The following GPAT3 variants were observed in gnomAD, a reference collection of about 807,000 sequenced individuals.
GPAT3 encodes glycerol-3-phosphate acyltransferase 3.
A neutral mutation model predicts 58.8 loss-of-function variants in GPAT3; 53 were observed. That is an observed-to-expected ratio of 0.90 (90% CI 0.72 to 1.13). The LOEUF (loss-of-function observed/expected upper bound fraction) is 1.13, where lower values mean the gene tolerates loss of function less well. GPAT3 is among the 50% of genes most tolerant of loss of function. GPAT3 has a pLI of 0.00. For synonymous variants in GPAT3, 197 were observed against 187.4 expected (o/e 1.05, Z -0.42); for missense variants, 511 against 527.6 (o/e 0.97, Z 0.31).
At chr4:83,549,486 ATAT>A (rs1021445569) in intron 2 of GPAT3, among the ~76,000 whole-genome samples, 6 of 149,024 alleles carry the variant, frequency 4.0e-5, no homozygotes, top group Non-Finnish European at 7.4e-5. Flanking sequence ...TATATATGAA[ATAT>A]TATGTATTAG....
chr4:83,575,774 C>G (rs1173194857), intron 2 of GPAT3, among the ~76,000 whole-genome samples: 1 of 152,226 alleles, frequency 6.6e-6, no homozygotes, highest in South Asian at 2.1e-4. Context: ...TTAGAGCACT[C>G]ATAGTCTGGT....
chr4:83,547,860 T>G (rs1166191297), intron 2 of GPAT3, among the ~76,000 whole-genome samples: 4 of 151,072 alleles, frequency 2.6e-5, no homozygotes, highest in Non-Finnish European at 5.9e-5. Context: ...TCCCTTTTTT[T>G]TTTTTTTTTT....
At chr4:83,598,218 C>T (rs1413481454) in intron 10 of GPAT3, 39 bp downstream of exon 10, 1 of 1,589,832 alleles carries the variant, frequency 6.3e-7, no homozygotes, top group African/African-American at 1.4e-5. Flanking sequence ...CAGGTAGAGG[C>T]AAGGAGATCT....
intron 3 of GPAT3, among the ~76,000 whole-genome samples, chr4:83,582,277 A>G (rs927304151): frequency 6.6e-6 from 1 of 152,218 alleles, no homozygotes; most frequent in Admixed American, 6.5e-5. Flanking sequence ...AAAATTCTTG[A>G]GTGTGGTTAC....
chr4:83,600,741 G>C (rs1727026594), intron 11 of GPAT3, among the ~76,000 whole-genome samples: 1 of 151,988 alleles, frequency 6.6e-6, no homozygotes, highest in Admixed American at 6.6e-5. Context: ...CCTGACCTCA[G>C]GTGATCCACC....
chr4:83,555,091 A>G (rs568498657), intron 2 of GPAT3, among the ~76,000 whole-genome samples: 1 of 152,324 alleles, frequency 6.6e-6, no homozygotes, highest in South Asian at 2.1e-4. Flanking sequence ...GGTGTGAGCC[A>G]CTGCGCCTGG....
intron 2 of GPAT3, among the ~76,000 whole-genome samples, chr4:83,557,748 C>T (rs930361511): frequency 2.0e-5 from 3 of 152,082 alleles, no homozygotes; most frequent in Non-Finnish European, 4.4e-5. Context: ...ACGCTGTGTA[C>T]CAGAGAGGGT....
At chr4:83,600,644 A>G (rs1224205606) in intron 11 of GPAT3, among the ~76,000 whole-genome samples, 2 of 152,060 alleles carry the variant, frequency 1.3e-5, no homozygotes, top group Non-Finnish European at 2.9e-5. Context: ...CTGGGACTGC[A>G]GGCATGCACC....
rs761831145 is a variant in GPAT3, at chr4:83,581,670, C to A, written c.317C>A (p.Ala106Asp). 2 of 1,613,984 alleles carry A rather than the reference C, an allele frequency of 1.2e-6. No homozygotes were observed. The highest frequency in any genetic ancestry group is 1.7e-6 in the Non-Finnish European group (2 of 1,180,016). ...TATTTCTCCAAGAAGGGATTGGAAG[C>A]CATTGTAGAAGATGAAGTGACCCAG... ...VFYFSKKGLE[A>D]IVEDEVTQRF... is the part of the protein sequence containing the mutation. The change falls in exon 3 of 12, where the codon GCC becomes GAC. Residue 106 changes from alanine (A) to aspartate (D), a missense_variant. Ala to Asp is a moderately radical substitution (Grantham distance 126). Transcript: ENST00000264409.
At chr4:83,561,805 G>GT (rs1012196105) in intron 2 of GPAT3, among the ~76,000 whole-genome samples, 1 of 144,046 alleles carries the variant, frequency 6.9e-6, no homozygotes, top group Non-Finnish European at 1.5e-5. Flanking sequence ...CCCTTTTTTG[G>GT]TAAAAAAAAA....
chr4:83,568,639 C>G lies in GPAT3; in HGVS notation c.209-12923C>G, dbSNP rs190969868. 3.9e-5 allele frequency among the ~76,000 whole-genome samples: 6 copies of G among 152,102 alleles called. No homozygotes were observed. The East Asian group carries it at 1.2e-3, about 29-fold the overall frequency. On this transcript the variant is annotated intron_variant, in intron 2 of 11. Coordinates refer to ENST00000264409, the MANE Select transcript of GPAT3 (RefSeq NM_032717.5). ...TCTTCTGCTTCAGCGTCCGGGGTAG[C>G]TGGGACTACAGGCACCCGCCACCAC...
chr4:83,555,419 T>C (rs1236041407), intron 2 of GPAT3, among the ~76,000 whole-genome samples: 1 of 152,044 alleles, frequency 6.6e-6, no homozygotes, highest in Non-Finnish European at 1.5e-5. Context: ...GAAGCTGATG[T>C]CATGAAGCTT....
chr4:83,551,813 A>AATCTATCTATCTATCTATCTATCTATCT (rs3083939), intron 2 of GPAT3, among the ~76,000 whole-genome samples: 9 of 102,400 alleles, frequency 8.8e-5, no homozygotes, highest in South Asian at 3.0e-4. Flanking sequence ...AAAAAAAAAA[A>AATCTATCTATCTATCTATCTATCTATCT]ATCTATCTAT....
chr4:83,535,671 A>C, upstream of GPAT3: 36 of 959,904 alleles, frequency 3.8e-5, no homozygotes, highest in Non-Finnish European at 4.3e-5. Context: ...TGGGCTAGGC[A>C]ACGCGTGGAG....
intron 1 of GPAT3, 127 bp from the exon 2 acceptor site, chr4:83,544,409 G>GGTTA: frequency 1.1e-6 from 1 of 897,380 alleles, no homozygotes; most frequent in South Asian, 1.3e-5. Flanking sequence ...GATTCCCTGG[G>GGTTA]GTTAGCTCTT....
intron 2 of GPAT3, among the ~76,000 whole-genome samples, chr4:83,571,886 T>G (rs1184745902): frequency 6.6e-6 from 1 of 151,908 alleles, no homozygotes; most frequent in Non-Finnish European, 1.5e-5. Context: ...AATTCTCCTG[T>G]GTCAGCCTCC....
At chr4:83,585,463 C>T (rs1726342792) in intron 3 of GPAT3, among the ~76,000 whole-genome samples, 1 of 151,106 alleles carries the variant, frequency 6.6e-6, no homozygotes, top group South Asian at 2.1e-4. Context: ...AATATTTATA[C>T]TTTTTTTTAC....
At chr4:83,575,224 A>G (rs907898337) in intron 2 of GPAT3, among the ~76,000 whole-genome samples, 1 of 151,824 alleles carries the variant, frequency 6.6e-6, no homozygotes, top group African/African-American at 2.4e-5. Flanking sequence ...CTTCCTTTCT[A>G]ATCTGTAATT....
chr4:83,543,047 T>C (rs1724367320), intron 1 of GPAT3, among the ~76,000 whole-genome samples: 1 of 152,108 alleles, frequency 6.6e-6, no homozygotes. Context: ...ACGCCTGTAA[T>C]CCCAGCACTT....
Sources: gnomAD v4.1 joint callset for allele counts (sites outside exome capture counted in the v4.1 genomes callset) on GRCh38, gnomAD v4.1.1 for gene constraint, MANE v1.5 for transcripts, NCBI Gene and HGNC (gene_info 2026-07-23, HGNC 2026-07-21) for gene names.